The following PSG5 variants were observed in gnomAD, a reference collection of about 807,000 sequenced individuals.
The protein encoded by PSG5 is pregnancy-specific beta-1-glycoprotein 5.
Under a neutral mutation model 37.7 loss-of-function variants are expected in PSG5, and 53 were observed. The ratio of observed to expected loss-of-function variants is 1.41; its 90% CI spans 1.13 to 1.77. The LOEUF is 1.77. Among genes scored for constraint, PSG5 ranks in the 40% most tolerant of loss-of-function variants. PSG5 has a pLI of 0.00. For synonymous variants in PSG5, 221 were observed against 155.4 expected, an observed-to-expected ratio of 1.42 and a Z score of -3.14; for missense variants, 547 against 405.2, an observed-to-expected ratio of 1.35 and a Z score of -3.00.
At chr19:43,181,969 C>T (rs906132502) in intron 2 of PSG5, among the ~76,000 whole-genome samples, 4 of 151,612 alleles carry the variant, frequency 2.6e-5, no homozygotes, top group Non-Finnish European at 5.9e-5. Flanking sequence ...GGACTGCAGG[C>T]CTGTCCAGCC....
Position 43,175,346 on chromosome 19 carries a change from T to G in PSG5, c.833A>C (p.Lys278Thr). 1.2e-6 allele frequency: 2 copies of G among 1,612,800 alleles called. No homozygotes were observed. Among genetic ancestry groups the G allele is most frequent in the Non-Finnish European group, 1.7e-6 (2 of 1,179,232 alleles). Residue 278 changes from lysine (K) to threonine (T), a missense_variant, in exon 4 of 6, where the codon AAG becomes ACG. Transcript: ENST00000342951. ...PAEYFWTING[K>T]FQQSGQKLSI... ...GAGCTTTTGTCCTGATTGCTGAAAC[T>G]TCCCATTAATTGTCCAAAAATACTC... is the stretch of plus-strand genomic sequence containing the variant.
rs1349442761 is a variant in PSG5, at chr19:43,185,120, G to A, written c.92C>T (p.Pro31Leu). 1.2e-6 allele frequency: 2 copies of A among 1,609,366 alleles called. No homozygotes were observed. The highest frequency in any genetic ancestry group is 1.7e-6 in the Non-Finnish European group (2 of 1,177,316). ...TASLLNFWNL[P>L]ITAQVTIEAL... is the part of the protein sequence containing the mutation. ...TTCAATCGTGACTTGAGCAGTGATA[G>A]GCAGGTTCCAGAAGTTTAAAAGTGA... The change falls in exon 2 of 6, where the codon CCT becomes CTT. Residue 31 changes from proline (P) to leucine (L), a missense_variant. Pro to Leu is a moderately conservative substitution (Grantham distance 98, BLOSUM62 -3). Coordinates refer to ENST00000342951, the MANE Select transcript of PSG5 (RefSeq NM_002781.4).
At chr19:43,181,121 A>G (rs1174783722) in intron 2 of PSG5, among the ~76,000 whole-genome samples, 1 of 151,608 alleles carries the variant, frequency 6.6e-6, no homozygotes, top group Non-Finnish European at 1.5e-5. Flanking sequence ...AAATGGCATC[A>G]TCATGAGGAA....
chr19:43,174,338 G>T, intron 4 of PSG5: 1 of 587,478 alleles, frequency 1.7e-6, no homozygotes, highest in Non-Finnish European at 2.1e-6. Context: ...TTAATGGTAA[G>T]TCTTATATTA....
At chr19:43,168,247 A>T (rs1362822201) in intron 5 of PSG5, 44 bp from the exon 6 acceptor site, 2 of 387,708 alleles carry the variant, frequency 5.2e-6, no homozygotes, top group Admixed American at 4.6e-5. Flanking sequence ...TAAAAATCTA[A>T]TGAGAATTTA....
chr19:43,178,801 AG>A (rs1317478378), intron 2 of PSG5: 2 of 1,610,272 alleles, frequency 1.2e-6, no homozygotes, highest in Admixed American at 1.7e-5. Flanking sequence ...TGGACCTGAG[AG>A]GGACTGAGAG....
rs1298570902 is a variant in PSG5 at position 43,168,078 on chromosome 19, T to C, written c.*166A>G. ...AGTTCTTAGTCCAGTGGTATGATCT[T>C]GAAGTTATCAGGAACTTGTATTCAA... On this transcript the variant is annotated 3_prime_UTR_variant, in exon 6 of 6. Transcript: ENST00000342951. The C allele has an allele frequency of 4.5e-6, 2 of 442,486 alleles. No individual in the cohort carries two copies. Among genetic ancestry groups the C allele is most frequent in the African/African-American group, 2.0e-5 (1 of 48,828 alleles). The allele number at this position is 442,486 out of a possible 1,614,324, so 27.4% of individuals were successfully genotyped here. A position where few individuals can be genotyped will look rare whatever the true frequency, so the allele number is the denominator to read the frequency against.
rs1165038365 is a variant in PSG5 at position 43,170,044 on chromosome 19, G to A, written c.*40+11C>T. ...CTGCAGGAACCAGGATAAGAGAAAAGGCCATCATACCTGCCAGTCTTCCTG... is the reference window on the plus strand; with the variant it reads ...CTGCAGGAACCAGGATAAGAGAAAAAGCCATCATACCTGCCAGTCTTCCTG... On this transcript the variant is annotated intron_variant, in intron 5 of 5. Coordinates refer to ENST00000342951, the MANE Select transcript of PSG5 (RefSeq NM_002781.4). The A allele has an allele frequency of 7.5e-6, 11 of 1,467,184 alleles. No homozygotes were observed. The highest frequency in any genetic ancestry group is 1.0e-5 in the Non-Finnish European group (11 of 1,058,172). The allele number at this position is 1,467,184 out of a possible 1,614,324, so 90.9% of individuals were successfully genotyped here.
rs1256422720 is a variant in PSG5 at position 43,169,911 on chromosome 19, C to A, written c.*40+144G>T. 3 of 517,748 alleles carry A rather than the reference C, an allele frequency of 5.8e-6. No individual in the cohort carries two copies. In the East Asian group the frequency reaches 1.2e-4, roughly 21 times the overall value. 32.1% of individuals were successfully genotyped at this position (517,748 alleles called of 1,614,324 possible). A position where few individuals can be genotyped will look rare whatever the true frequency, so the allele number is the denominator to read the frequency against. On this transcript the variant is annotated intron_variant, in intron 5 of 5. Transcript: ENST00000342951. Reference sequence around the variant, plus strand: ...GCATAAAGGCCAGGGAGAAAGGGAACTGCAGGAATTAGTTCTGAGAAGCAG... The same window carrying A: ...GCATAAAGGCCAGGGAGAAAGGGAAATGCAGGAATTAGTTCTGAGAAGCAG...
At chr19:43,179,200 T>A (rs757382051) in intron 2 of PSG5, 1 of 1,547,258 alleles carries the variant, frequency 6.5e-7, no homozygotes. Flanking sequence ...GTGGCACCTT[T>A]GATTCCTCCA....
intron 4 of PSG5, among the ~76,000 whole-genome samples, chr19:43,172,371 G>C (rs929000520): frequency 6.6e-6 from 1 of 151,414 alleles, no homozygotes; most frequent in African/African-American, 2.4e-5. Context: ...ATTCAACATA[G>C]TATTGAAAGG....
Position 43,185,122 on chromosome 19 carries a change from C to T in PSG5, c.90G>A (p.Leu30=). 6.2e-7 allele frequency: 1 copy of T among 1,608,792 alleles called. No homozygotes were observed. Among genetic ancestry groups the T allele is most frequent in the Non-Finnish European group, 8.5e-7 (1 of 1,176,976 alleles). Residue 30 remains leucine, a synonymous_variant, in exon 2 of 6, where the codon CTG becomes CTA. Transcript: ENST00000342951. ...LTASLLNFWN[L]PITAQVTIEA... ...CAATCGTGACTTGAGCAGTGATAGG[C>T]AGGTTCCAGAAGTTTAAAAGTGATG...
chr19:43,168,879 T>C (rs1004777663), intron 5 of PSG5, among the ~76,000 whole-genome samples: 13 of 151,644 alleles, frequency 8.6e-5, no homozygotes, highest in African/African-American at 3.2e-4. Context: ...CTTATGTATG[T>C]TGAAAAAGGT....
In PSG5 at chr19:43,186,222, CA is replaced by C. The variant is rs2069963965; in HGVS notation, c.64+119del. ...TGAACTCCTGATCTCATAATCCACC[CA>C]CCTCATCCTCCCAAAGTGCTGGCTT... is the stretch of plus-strand genomic sequence containing the variant. On this transcript the variant is annotated intron_variant, in intron 1 of 5. Coordinates refer to ENST00000342951, the MANE Select transcript of PSG5 (RefSeq NM_002781.4). The C allele has an allele frequency of 4.6e-6, 7 of 1,522,404 alleles. No homozygotes were observed. The South Asian group carries it at 6.9e-5, about 15-fold the overall frequency. 94.3% of individuals were successfully genotyped at this position (1,522,404 alleles called of 1,614,324 possible). A position where few individuals can be genotyped will look rare whatever the true frequency, so the allele number is the denominator to read the frequency against.
In PSG5 at chr19:43,175,934, A is replaced by T; in HGVS notation, c.645T>A (p.Tyr215Ter). ...CATCTCGGTCCCGTATTTCACATTC[A>T]TAGGGTCCTGTTTCATTTCTCGTGA... ...PSVTRNETGP[Y>*]ECEIRDRDGG... Residue 215 changes from tyrosine to a stop codon, truncating the protein, a stop_gained, in exon 3 of 6, where the codon TAT becomes TAA. Coordinates refer to ENST00000342951, the MANE Select transcript of PSG5 (RefSeq NM_002781.4). LOFTEE classifies it high-confidence loss of function. 4 of 1,612,474 alleles carry T rather than the reference A, an allele frequency of 2.5e-6. No individual in the cohort carries two copies. The highest frequency in any genetic ancestry group is 1.7e-5 in the Admixed American group (1 of 59,892).
chr19:43,175,527 G>A, intron 3 of PSG5, 58 bp from the exon 4 acceptor site: 1 of 1,557,272 alleles, frequency 6.4e-7, no homozygotes, highest in African/African-American at 1.4e-5. Flanking sequence ...GGATGCTCCT[G>A]GTCTCTTAAA....
Position 43,168,069 on chromosome 19 carries a change from G to A in PSG5, c.*175C>T. The A allele has an allele frequency of 2.3e-6, 1 of 432,184 alleles. No individual in the cohort carries two copies. Among genetic ancestry groups the A allele is most frequent in the South Asian group, 1.1e-4 (1 of 9,294 alleles). 26.8% of individuals were successfully genotyped at this position (432,184 alleles called of 1,614,324 possible). ...AATTTTGAAAGTTCTTAGTCCAGTG[G>A]TATGATCTTGAAGTTATCAGGAACT... is the stretch of plus-strand genomic sequence containing the variant. On this transcript the variant is annotated 3_prime_UTR_variant, in exon 6 of 6. Transcript: ENST00000342951.
chr19:43,177,828 G>A (rs1171449469), intron 2 of PSG5, among the ~76,000 whole-genome samples: 1 of 151,530 alleles, frequency 6.6e-6, no homozygotes, highest in Non-Finnish European at 1.5e-5. Context: ...CTTTCTAACA[G>A]TATTGATTCT....
chr19:43,174,586 C>T (rs1968966095), intron 4 of PSG5: 4 of 958,174 alleles, frequency 4.2e-6, no homozygotes, highest in Non-Finnish European at 5.0e-6. Flanking sequence ...CTTCTTATTT[C>T]CCTGCAGCCT....
Sources: gnomAD v4.1 joint callset for allele counts (sites outside exome capture counted in the v4.1 genomes callset) on GRCh38, gnomAD v4.1.1 for gene constraint, MANE v1.5 for transcripts, NCBI Gene and HGNC (gene_info 2026-07-23, HGNC 2026-07-21) for gene names.